FBXL16: variants seen among roughly 807,000 people sequenced by gnomAD.
FBXL16 encodes the protein F-box/LRR-repeat protein 16.
A neutral mutation model predicts 36.7 loss-of-function variants in FBXL16; 7 were observed. The observed-to-expected ratio is 0.19, with a 90% CI of 0.11 to 0.36. The LOEUF (loss-of-function observed/expected upper bound fraction) is 0.36. Ranked by LOEUF, FBXL16 falls within the 10% of genes least tolerant of loss-of-function variation. The pLI, the probability that FBXL16 is intolerant of heterozygous loss-of-function variation, is 1.00. For synonymous variants in FBXL16, 355 were observed against 308.7 expected (o/e 1.15, Z -1.57); for missense variants, 463 against 659.4 (o/e 0.70, Z 3.26).
In FBXL16 at chr16:696,486, A is replaced by C. The variant is rs1022935316; in HGVS notation, c.633+287T>G. Reference sequence around the variant, plus strand: ...ACCATGTTGACCAGGCTGGTCATGAACGCCTAACCTCAAGTGAGTGGCCTG... The same window carrying C: ...ACCATGTTGACCAGGCTGGTCATGACCGCCTAACCTCAAGTGAGTGGCCTG... On this transcript the variant is annotated intron_variant, in intron 2 of 5. Transcript: ENST00000397621. Among the ~76,000 whole-genome samples, 6 of 152,096 alleles carry C rather than the reference A, an allele frequency of 3.9e-5. No individual in the cohort carries two copies. In the South Asian group the frequency reaches 6.2e-4, roughly 16 times the overall value.
intron 1 of FBXL16, among the ~76,000 whole-genome samples, chr16:704,600 C>T (rs757329272): frequency 6.6e-6 from 1 of 152,232 alleles, no homozygotes. Flanking sequence ...CTATCTGCTC[C>T]AAGGCTGCTG....
At chr16:704,893 C>T (rs747644649) in intron 1 of FBXL16, among the ~76,000 whole-genome samples, 2 of 152,210 alleles carry the variant, frequency 1.3e-5, no homozygotes, top group Non-Finnish European at 2.9e-5. Flanking sequence ...CGCTCTCCAC[C>T]CACCTAATCC....
At chr16:702,012 T>C (rs1191236497) in intron 1 of FBXL16, among the ~76,000 whole-genome samples, 2 of 152,046 alleles carry the variant, frequency 1.3e-5, no homozygotes, top group Non-Finnish European at 2.9e-5. Flanking sequence ...GGGGACGCAG[T>C]GTGAAGCGTG....
At chr16:698,629 C>T (rs947435937) in intron 1 of FBXL16, among the ~76,000 whole-genome samples, 1 of 152,124 alleles carries the variant, frequency 6.6e-6, no homozygotes, top group African/African-American at 2.4e-5. Context: ...CAGAATCTAC[C>T]CAAGGGGCTG....
intron 1 of FBXL16, among the ~76,000 whole-genome samples, chr16:704,781 C>T (rs866035691): frequency 1.3e-5 from 2 of 152,214 alleles, no homozygotes; most frequent in Non-Finnish European, 2.9e-5. Flanking sequence ...GCAGGCTGCC[C>T]GAACAGAGCC....
In FBXL16 at chr16:693,576, T is replaced by C. The variant is rs1303271573; in HGVS notation, c.*699A>G. ...AGCCTGGCCAGGGACCAAGGCCGGG[T>C]TTTGGGGCGGACAGGGGACTGCCCC... On this transcript the variant is annotated 3_prime_UTR_variant, in exon 6 of 6. Transcript: ENST00000397621. 2 of 152,370 alleles carry C rather than the reference T, an allele frequency of 1.3e-5. No homozygotes were observed. The highest frequency in any genetic ancestry group is 2.9e-5 in the Non-Finnish European group (2 of 68,038). The allele number at this position is 152,370 out of a possible 1,614,324, so 9.4% of individuals were successfully genotyped here.
intron 3 of FBXL16, 46 bp from the exon 4 acceptor site, chr16:695,122 C>T: frequency 6.4e-7 from 1 of 1,559,744 alleles, no homozygotes; most frequent in Non-Finnish European, 8.7e-7. Context: ...TCACCTGGCC[C>T]CGGCCATCCC....
intron 1 of FBXL16, among the ~76,000 whole-genome samples, chr16:702,559 T>G (rs978906839): frequency 3.6e-4 from 55 of 152,168 alleles, no homozygotes; most frequent in African/African-American, 1.3e-3. Flanking sequence ...GTGGCTCCGC[T>G]AGCTCAGTCA....
chr16:696,995 G>A lies in FBXL16; in HGVS notation c.411C>T (p.Leu137=). 1.3e-6 allele frequency: 2 copies of A among 1,595,888 alleles called. No individual in the cohort carries two copies. The highest frequency in any genetic ancestry group is 8.5e-7 in the Non-Finnish European group (1 of 1,171,792). Residue 137 remains leucine (L), a synonymous_variant, in exon 2 of 6, where the codon CTC becomes CTT. Coordinates refer to ENST00000397621, the MANE Select transcript of FBXL16 (RefSeq NM_153350.4). ...GCTCCTTGGCATGCAGCACCGGCGT[G>A]AGGCCTGCCCAGAACTTGGGCTGGT... The part of the protein sequence containing the change: ...VLYQPKFWAG[L]TPVLHAKELY...
rs1174568348 is a variant in FBXL16, at chr16:694,147, G to C, written c.*128C>G. 3.6e-5 allele frequency: 21 copies of C among 579,530 alleles called. No individual in the cohort carries two copies. 35.9% of individuals were successfully genotyped at this position (579,530 alleles called of 1,614,324 possible). A position where few individuals can be genotyped will look rare whatever the true frequency, so the allele number is the denominator to read the frequency against. On this transcript the variant is annotated 3_prime_UTR_variant, in exon 6 of 6. Coordinates refer to ENST00000397621, the MANE Select transcript of FBXL16 (RefSeq NM_153350.4). Reference sequence around the variant, plus strand: ...GAGGGGCTTTCCCTCGGCTCGCCCCGCCTCCCGCGCTGGGCCGGGGGCGCG... The same window carrying C: ...GAGGGGCTTTCCCTCGGCTCGCCCCCCCTCCCGCGCTGGGCCGGGGGCGCG...
chr16:696,747 C>G (rs1057255678), intron 2 of FBXL16, 26 bp downstream of exon 2: 13 of 1,495,148 alleles, frequency 8.7e-6, no homozygotes, highest in East Asian at 2.4e-5. Context: ...CCCCCCAGCC[C>G]TGTCCCCCCC....
At chr16:696,128 G>C in intron 2 of FBXL16, 1 of 675,064 alleles carries the variant, frequency 1.5e-6, no homozygotes. Flanking sequence ...TTAGACTCCA[G>C]ACCCGGCTGC....
chr16:704,445 C>T (rs528297033), intron 1 of FBXL16, among the ~76,000 whole-genome samples: 8 of 152,210 alleles, frequency 5.3e-5, no homozygotes, highest in Non-Finnish European at 7.4e-5. Flanking sequence ...GCGATGTTTG[C>T]AGCTGGGCCT....
In FBXL16 at chr16:695,937, G is replaced by GGCGC. The variant is rs1477702637; in HGVS notation, c.634-18_634-15dup. The GGCGC allele has an allele frequency of 1.9e-6, 3 of 1,565,268 alleles. No homozygotes were observed. The African/African-American group carries it at 4.0e-5, about 21-fold the overall frequency. ...TTCAAGCATAACCTGCAGGCGGGCGGGCGCCGGGTCAGGATTGCAGGAGAA... is the reference window on the plus strand; with the variant it reads ...TTCAAGCATAACCTGCAGGCGGGCGGGCGCGCGCCGGGTCAGGATTGCAGGAGAA... On this transcript the variant is annotated splice_polypyrimidine_tract_variant and intron_variant, in intron 2 of 5. Coordinates refer to ENST00000397621, the MANE Select transcript of FBXL16 (RefSeq NM_153350.4).
At chr16:695,295 G>T in intron 3 of FBXL16, 120 bp downstream of exon 3, 1 of 1,174,986 alleles carries the variant, frequency 8.5e-7, no homozygotes, top group Non-Finnish European at 1.1e-6. Flanking sequence ...TCTGCCCGCC[G>T]CGCCACAGCC....
chr16:697,093 G>A lies in FBXL16; in HGVS notation c.313C>T (p.Leu105Phe), dbSNP rs777892193. 3.7e-6 allele frequency: 6 copies of A among 1,608,134 alleles called. No individual in the cohort carries two copies. The highest frequency in any genetic ancestry group is 3.4e-6 in the Non-Finnish European group (4 of 1,177,500). The change falls in exon 2 of 6, where the codon CTC becomes TTC. Residue 105 changes from leucine (L) to phenylalanine (F), a missense_variant. Leu to Phe is a conservative substitution (Grantham distance 22, BLOSUM62 0). Around this residue, in one of 3 missense-constraint regions of FBXL16, gnomAD observed 263 missense variants for 341.1 expected, o/e 0.77. Coordinates refer to ENST00000397621, the MANE Select transcript of FBXL16 (RefSeq NM_153350.4). This position sits in a 1 kb window ranked among gnomAD's most constrained non-coding sequence, Gnocchi z 4.6. Reference protein sequence around the residue: ...LATDEKILNGLFWYFSACEKC... With the variant: ...LATDEKILNGFFWYFSACEKC... ...TCGCAGGCCGAGAAATACCAGAAGA[G>A]CCCATTGAGGATCTTCTCGTCCGTG...
intron 1 of FBXL16, among the ~76,000 whole-genome samples, chr16:699,277 A>G (rs987481389): frequency 3.9e-5 from 6 of 152,154 alleles, no homozygotes; most frequent in Admixed American, 3.9e-4. Flanking sequence ...AGTCCCGGGC[A>G]CCCTCCTCAG....
chr16:704,424 TCCC>T (rs952493277), intron 1 of FBXL16, among the ~76,000 whole-genome samples: 2 of 152,006 alleles, frequency 1.3e-5, no homozygotes, highest in Non-Finnish European at 2.9e-5. Flanking sequence ...GTCCTAGGGT[TCCC>T]CCACACAGCG....
chr16:704,981 G>A (rs2040081234), intron 1 of FBXL16, among the ~76,000 whole-genome samples: 1 of 152,174 alleles, frequency 6.6e-6, no homozygotes, highest in Non-Finnish European at 1.5e-5. Flanking sequence ...CTTGGCCAAG[G>A]CCCGGTCCCG....
Sources: allele counts gnomAD v4.1 joint callset (sites outside exome capture counted in the v4.1 genomes callset), GRCh38; gene constraint gnomAD v4.1.1; regional missense constraint gnomAD v4.1.1; non-coding constraint Gnocchi (gnomAD v3.1); transcripts MANE v1.5; gene names NCBI Gene and HGNC (gene_info 2026-07-23, HGNC 2026-07-21).